Variants in NCKAP5 observed in about 807,000 individuals in gnomAD.
The protein encoded by NCKAP5 is nck-associated protein 5.
In NCKAP5, 92 loss-of-function variants were observed where a neutral mutation model predicts 167.0. The observed-to-expected ratio is 0.55, with a 90% confidence interval of 0.47 to 0.66. The LOEUF (loss-of-function observed/expected upper bound fraction) is 0.66, where lower values mean the gene tolerates loss of function less well. NCKAP5 is among the 30% of genes least tolerant of loss of function. The pLI, the probability that NCKAP5 is intolerant of heterozygous loss-of-function variation, is 0.00. For missense variants in NCKAP5, 2,378 were observed against 2,315.0 expected (o/e 1.03, Z -0.56); for synonymous variants, 891 against 877.4 (o/e 1.02, Z -0.27).
intron 3 of NCKAP5, among the ~76,000 whole-genome samples, chr2:133,340,548 T>C (rs2150763391): frequency 6.6e-6 from 1 of 152,290 alleles, no homozygotes; most frequent in Admixed American, 6.5e-5. Flanking sequence ...CAACAGTGGC[T>C]CTGGATACCC....
At chr2:133,416,559 GA>G (rs1464988142) in intron 3 of NCKAP5, among the ~76,000 whole-genome samples, 1 of 151,838 alleles carries the variant, frequency 6.6e-6, no homozygotes, top group Non-Finnish European at 1.5e-5. Flanking sequence ...CTCTAGTTCT[GA>G]AAGATTAGGG....
intron 10 of NCKAP5, among the ~76,000 whole-genome samples, chr2:132,864,481 G>C (rs1308571475): frequency 6.6e-6 from 1 of 152,118 alleles, no homozygotes; most frequent in Non-Finnish European, 1.5e-5. Flanking sequence ...GTGATACACT[G>C]GTCTAATGGG....
chr2:132,916,464 C>T (rs193068004), intron 8 of NCKAP5, among the ~76,000 whole-genome samples: 4 of 152,076 alleles, frequency 2.6e-5, no homozygotes, highest in Admixed American at 6.6e-5. Flanking sequence ...CTAACAATCA[C>T]GTTACAAAAA....
chr2:132,781,369 T>C, intron 14 of NCKAP5, 140 bp from the exon 15 acceptor site: 1 of 690,858 alleles, frequency 1.4e-6, no homozygotes, highest in Non-Finnish European at 2.3e-6. Context: ...GGGTTTCTCA[T>C]GGGCCTTGAT....
chr2:133,616,780 G>A, the NCKAP5 span, among the ~76,000 whole-genome samples: 2 of 151,972 alleles, frequency 1.3e-5, no homozygotes, highest in African/African-American at 4.8e-5. Context: ...GAAAAAGAGG[G>A]AATCCTCCCT....
intron 4 of NCKAP5, among the ~76,000 whole-genome samples, chr2:133,245,923 G>A (rs1332406144): frequency 2.6e-5 from 4 of 151,806 alleles, no homozygotes; most frequent in East Asian, 1.9e-4. Flanking sequence ...AAATGGAGGT[G>A]GGGAGAGTCA....
At chr2:132,887,527 C>T in intron 8 of NCKAP5, among the ~76,000 whole-genome samples, 1 of 152,152 alleles carries the variant, frequency 6.6e-6, no homozygotes, top group East Asian at 1.9e-4. Flanking sequence ...CTTCTATGAC[C>T]TTATATGTCT....
Position 132,673,040 on chromosome 2 carries a change from C to G in NCKAP5, c.*249G>C. 9.6e-7 allele frequency: 1 copy of G among 1,038,972 alleles called. No individual in the cohort carries two copies. The highest frequency in any genetic ancestry group is 1.2e-6 in the Non-Finnish European group (1 of 868,416). The allele number at this position is 1,038,972 out of a possible 1,614,324, so 64.4% of individuals were successfully genotyped here. On this transcript the variant is annotated 3_prime_UTR_variant, in exon 20 of 20. Transcript: ENST00000409261. ...AGATGTCCTTTATACATCATTTGAA[C>G]CTTGACTGGCACAGGAAGAGAAGCT...
intron 8 of NCKAP5, among the ~76,000 whole-genome samples, chr2:132,914,785 G>A (rs191962198): frequency 5.3e-5 from 8 of 152,114 alleles, no homozygotes; most frequent in Admixed American, 3.3e-4. Context: ...TCACTGAGAC[G>A]TGAATGCTGC....
intron 6 of NCKAP5, among the ~76,000 whole-genome samples, chr2:133,100,739 A>C (rs563723936): frequency 6.6e-6 from 1 of 152,330 alleles, no homozygotes; most frequent in Admixed American, 6.5e-5. Context: ...AAGCAGTTTA[A>C]ATGCACTCTC....
At chr2:133,535,639 C>T (rs1234132214) in intron 2 of NCKAP5, among the ~76,000 whole-genome samples, 1 of 151,968 alleles carries the variant, frequency 6.6e-6, no homozygotes, top group African/African-American at 2.4e-5. Flanking sequence ...GACTTATTTT[C>T]CTTTGAGCAG....
intron 7 of NCKAP5, among the ~76,000 whole-genome samples, chr2:132,969,849 C>T (rs1263273343): frequency 6.6e-6 from 1 of 152,230 alleles, no homozygotes; most frequent in Non-Finnish European, 1.5e-5. Flanking sequence ...CTGTGCTCTA[C>T]ATGACAAAAT....
chr2:133,045,797 C>T (rs997346426), intron 6 of NCKAP5, among the ~76,000 whole-genome samples: 1 of 152,170 alleles, frequency 6.6e-6, no homozygotes, highest in African/African-American at 2.4e-5. Context: ...TTGCACTGGA[C>T]TCACCCTTCT....
intron 16 of NCKAP5, among the ~76,000 whole-genome samples, chr2:132,761,224 G>C (rs1680979106): frequency 6.7e-6 from 1 of 150,154 alleles, no homozygotes; most frequent in Non-Finnish European, 1.5e-5. Flanking sequence ...CAGGCCCTTG[G>C]CTTTCATTAT....
intron 3 of NCKAP5, among the ~76,000 whole-genome samples, chr2:133,465,748 T>C (rs1016253549): frequency 0.021 from 3,158 of 152,174 alleles, 116 homozygotes; most frequent in African/African-American, 0.072. Context: ...TTTGCATTTC[T>C]CTGATGGCCA....
At chr2:132,896,770 A>G (rs1693243250) in intron 8 of NCKAP5, among the ~76,000 whole-genome samples, 1 of 152,224 alleles carries the variant, frequency 6.6e-6, no homozygotes, top group African/African-American at 2.4e-5. Context: ...GAATCTTTTA[A>G]GTATAAAAAG....
At position 133,488,871 on chromosome 2, in the gene NCKAP5, G is replaced by A. The variant is rs568012449; in HGVS notation, c.69+28587C>T. On this transcript the variant is annotated intron_variant, in intron 3 of 19. Coordinates refer to ENST00000409261, the MANE Select transcript of NCKAP5 (RefSeq NM_207363.3). Reference sequence around the variant, plus strand: ...GTGGAGGTTACAGTGAGCTGAGATTGTGCCACTGCACTCCAGTGGGTGACA... The same window carrying A: ...GTGGAGGTTACAGTGAGCTGAGATTATGCCACTGCACTCCAGTGGGTGACA... 9.9e-5 allele frequency among the ~76,000 whole-genome samples: 15 copies of A among 152,244 alleles called. No homozygotes were observed. In the South Asian group the frequency reaches 2.3e-3, roughly 23 times the overall value.
chr2:133,081,172 TTTAC>T (rs1479861754), intron 6 of NCKAP5, among the ~76,000 whole-genome samples: 1 of 152,140 alleles, frequency 6.6e-6, no homozygotes, highest in Non-Finnish European at 1.5e-5. Context: ...AAATACATTT[TTTAC>T]TTAAGCAAAA....
intron 12 of NCKAP5, among the ~76,000 whole-genome samples, chr2:132,794,680 CACAT>C (rs763312293): frequency 6.7e-6 from 1 of 149,876 alleles, no homozygotes; most frequent in Non-Finnish European, 1.5e-5. Flanking sequence ...CACACACACA[CACAT>C]ACACATGTGT....
Sources: allele counts gnomAD v4.1 joint callset (sites outside exome capture counted in the v4.1 genomes callset), GRCh38; gene constraint gnomAD v4.1.1; transcripts MANE v1.5; gene names NCBI Gene and HGNC (gene_info 2026-07-23, HGNC 2026-07-21).